Variants in NAA11 observed in about 807,000 individuals in gnomAD.
NAA11 encodes the protein N-alpha-acetyltransferase 11, NatA catalytic subunit, also known as N-alpha-acetyltransferase 11.
A neutral mutation model predicts 16.1 loss-of-function variants in NAA11; 15 were observed. The observed-to-expected ratio is 0.93, with a 90% CI of 0.62 to 1.44. NAA11 has a LOEUF of 1.44. Among genes scored for constraint, NAA11 ranks in the 40% most tolerant of loss-of-function variants. The pLI is 0.00. For missense variants in NAA11, 298 were observed against 291.3 expected (o/e 1.02, Z -0.17); for synonymous variants, 122 against 112.4 (o/e 1.09, Z -0.54).
chr4:79,277,309 C>G (rs1722673599), intron 2 of NAA11, among the ~76,000 whole-genome samples: 1 of 152,024 alleles, frequency 6.6e-6, no homozygotes, highest in Non-Finnish European at 1.5e-5. Flanking sequence ...CTGTGTCATA[C>G]CATGTATCCG....
chr4:79,302,317 G>T (rs999307051), intron 1 of NAA11, among the ~76,000 whole-genome samples: 2 of 152,040 alleles, frequency 1.3e-5, no homozygotes, highest in African/African-American at 4.8e-5. Context: ...TTCTGTGAGA[G>T]GTATTATTAA....
the NAA11 span, among the ~76,000 whole-genome samples, chr4:79,187,563 G>A: frequency 6.6e-6 from 1 of 152,084 alleles, no homozygotes; most frequent in African/African-American, 2.4e-5. Flanking sequence ...GTTCGGAAAC[G>A]GTATCTCCAA....
intron 2 of NAA11, among the ~76,000 whole-genome samples, chr4:79,289,787 T>A (rs1040259246): frequency 3.3e-5 from 5 of 152,196 alleles, no homozygotes; most frequent in African/African-American, 1.2e-4. Context: ...ACATTTTACC[T>A]CAATTTATTG....
intron 2 of NAA11, among the ~76,000 whole-genome samples, chr4:79,255,083 A>G (rs190396412): frequency 6.6e-6 from 1 of 152,306 alleles, no homozygotes; most frequent in East Asian, 1.9e-4. Flanking sequence ...TACATGCTGT[A>G]TGGTTTCATT....
chr4:79,191,590 C>T, the NAA11 span, among the ~76,000 whole-genome samples: 5 of 152,050 alleles, frequency 3.3e-5, no homozygotes, highest in African/African-American at 1.2e-4. Context: ...AGACCATTCT[C>T]AGATACGTAT....
rs1302863474 is a variant in NAA11, at chr4:79,270,016, GT to G, written c.*122+23988del. Among the ~76,000 whole-genome samples, 386 of 151,376 alleles carry G rather than the reference GT, an allele frequency of 2.5e-3. 1 individual carries two copies. Among genetic ancestry groups the G allele is most frequent in the African/African-American group, 8.9e-3 (368 of 41,258 alleles). On this transcript the variant is annotated intron_variant and NMD_transcript_variant, in intron 2 of 2. Transcript: ENST00000511542. The stretch of plus-strand genomic sequence containing the variant: ...TTTGTCAAAGATCAGACAGTTGTAG[GT>G]ATGCGGCGTTATTTCTGAGGGCTCT...
chr4:79,206,108 C>T, the NAA11 span, among the ~76,000 whole-genome samples: 1 of 151,912 alleles, frequency 6.6e-6, no homozygotes, highest in Non-Finnish European at 1.5e-5. Context: ...CTTTTGTTTC[C>T]ACATGGATTT....
At chr4:79,212,418 G>A in the NAA11 span, among the ~76,000 whole-genome samples, 1 of 152,010 alleles carries the variant, frequency 6.6e-6, no homozygotes, top group African/African-American at 2.4e-5. Flanking sequence ...TATAAAAGTA[G>A]GAAATAATTG....
At chr4:79,242,134 C>T (rs1721711061) in intron 2 of NAA11, among the ~76,000 whole-genome samples, 1 of 152,156 alleles carries the variant, frequency 6.6e-6, no homozygotes, top group South Asian at 2.1e-4. Flanking sequence ...AGTGGTAATT[C>T]TGTGGATGGC....
chr4:79,219,504 C>T, the NAA11 span, among the ~76,000 whole-genome samples: 1 of 152,132 alleles, frequency 6.6e-6, no homozygotes, highest in Non-Finnish European at 1.5e-5. Context: ...ATCTCCTTTT[C>T]TGTGATTCTA....
the NAA11 span, among the ~76,000 whole-genome samples, chr4:79,186,901 T>A: frequency 6.6e-6 from 1 of 151,986 alleles, no homozygotes; most frequent in African/African-American, 2.4e-5. Flanking sequence ...ATGAACACAG[T>A]GAGGTTTATA....
At chr4:79,159,571 A>G in the NAA11 span, among the ~76,000 whole-genome samples, 1 of 152,316 alleles carries the variant, frequency 6.6e-6, no homozygotes, top group Non-Finnish European at 1.5e-5. Flanking sequence ...ATCTATTTCC[A>G]AAACATTTAA....
At chr4:79,317,846 A>G (rs1026706964) in intron 1 of NAA11, 55 bp from the exon 2 acceptor site, 5 of 152,270 alleles carry the variant, frequency 3.3e-5, no homozygotes, top group Non-Finnish European at 7.3e-5. Flanking sequence ...AAGCTCTGAC[A>G]GCTCTGAAAG....
the NAA11 span, among the ~76,000 whole-genome samples, chr4:79,192,324 C>T: frequency 6.6e-6 from 1 of 150,772 alleles, no homozygotes; most frequent in African/African-American, 2.4e-5. Flanking sequence ...GTGTGCTGCA[C>T]CCATTAACTC....
intron 2 of NAA11, among the ~76,000 whole-genome samples, chr4:79,276,404 GCT>G (rs980946590): frequency 5.3e-5 from 8 of 152,036 alleles, no homozygotes; most frequent in Non-Finnish European, 8.8e-5. Flanking sequence ...GTCTTACCAA[GCT>G]CTCTCTCTGC....
chr4:79,281,682 G>A (rs1446026945), intron 2 of NAA11, among the ~76,000 whole-genome samples: 1 of 152,060 alleles, frequency 6.6e-6, no homozygotes, highest in Non-Finnish European at 1.5e-5. Context: ...ACTCAAGGAA[G>A]GCCTCTCTAA....
chr4:79,294,517 T>C, intron 1 of NAA11, among the ~76,000 whole-genome samples: 1 of 152,196 alleles, frequency 6.6e-6, no homozygotes. Context: ...TTTATGAACA[T>C]GTCTAAATGC....
At chr4:79,248,282 C>A (rs1418626545) in intron 2 of NAA11, among the ~76,000 whole-genome samples, 1 of 152,054 alleles carries the variant, frequency 6.6e-6, no homozygotes, top group Non-Finnish European at 1.5e-5. Context: ...CTGCACCTTC[C>A]CCCAACTGCA....
intron 2 of NAA11, among the ~76,000 whole-genome samples, chr4:79,264,143 T>C (rs1578168903): frequency 2.6e-5 from 4 of 152,334 alleles, no homozygotes; most frequent in Admixed American, 2.6e-4. Flanking sequence ...AGTACAACCA[T>C]GAACCATTGT....
Sources: allele counts gnomAD v4.1 joint callset (sites outside exome capture counted in the v4.1 genomes callset), GRCh38; gene constraint gnomAD v4.1.1; transcripts MANE v1.5; gene names NCBI Gene and HGNC (gene_info 2026-07-23, HGNC 2026-07-21).